Variants in FAM135B observed in about 807,000 individuals in gnomAD.
FAM135B encodes family with sequence similarity 135 member B, also known as protein FAM135B.
A neutral mutation model predicts 127.7 loss-of-function variants in FAM135B; 43 were observed. The observed-to-expected ratio is 0.34, with a 90% CI of 0.26 to 0.43. FAM135B has a LOEUF of 0.43. Among genes scored for constraint, FAM135B ranks in the 20% least tolerant of loss-of-function variants. FAM135B has a pLI of 1.00. For missense variants in FAM135B, 1,558 were observed against 1,725.6 expected (o/e 0.90, Z 1.72); for synonymous variants, 670 against 665.1 (o/e 1.01, Z -0.11).
intron 2 of FAM135B, 133 bp from the exon 3 acceptor site, chr8:138,311,053 A>G: frequency 3.1e-6 from 2 of 648,312 alleles, no homozygotes; most frequent in Non-Finnish European, 5.3e-6. Flanking sequence ...ATCATCTGGC[A>G]TCAATGAGAA....
chr8:138,366,971 C>T (rs1298330501), intron 2 of FAM135B, among the ~76,000 whole-genome samples: 1 of 152,150 alleles, frequency 6.6e-6, no homozygotes, highest in African/African-American at 2.4e-5. Flanking sequence ...AGAACCACAA[C>T]AGCCCAGCTG....
At chr8:138,197,705 T>C (rs969949161) in intron 7 of FAM135B, 36 bp from the exon 8 acceptor site, 3 of 1,604,918 alleles carry the variant, frequency 1.9e-6, no homozygotes, top group South Asian at 1.1e-5. Flanking sequence ...CTGAGGAATA[T>C]TGCACCTGGC....
At chr8:138,144,278 G>C (rs1817467709) in intron 15 of FAM135B, 1 of 152,122 alleles carries the variant, frequency 6.6e-6, no homozygotes, top group Non-Finnish European at 1.5e-5. Flanking sequence ...AAATTAGCCG[G>C]GCGTGATGGC....
chr8:138,366,903 T>C (rs1830776362), intron 2 of FAM135B, among the ~76,000 whole-genome samples: 1 of 152,122 alleles, frequency 6.6e-6, no homozygotes, highest in Non-Finnish European at 1.5e-5. Flanking sequence ...CAACAGGAGA[T>C]TTTGTGTATT....
At chr8:138,170,217 C>CTTTT (rs141401317) in intron 11 of FAM135B, among the ~76,000 whole-genome samples, 15 of 112,026 alleles carry the variant, frequency 1.3e-4, no homozygotes, top group African/African-American at 2.1e-4. Flanking sequence ...CTGTTACTAT[C>CTTTT]TTTTTTTTTT....
At chr8:138,462,704 C>G (rs372670309) in intron 1 of FAM135B, among the ~76,000 whole-genome samples, 1 of 152,248 alleles carries the variant, frequency 6.6e-6, no homozygotes, top group Middle Eastern at 3.4e-3. Context: ...GGAGTTGGTG[C>G]CTTTTAATAT....
intron 1 of FAM135B, among the ~76,000 whole-genome samples, chr8:138,407,357 C>T (rs141093849): frequency 0.11 from 16,626 of 152,074 alleles, 1,248 homozygotes; most frequent in African/African-American, 0.22. Context: ...GGTTCAATGC[C>T]ATCCCCATCA....
intron 1 of FAM135B, among the ~76,000 whole-genome samples, chr8:138,469,474 G>T (rs781566816): frequency 2.8e-4 from 42 of 151,968 alleles, no homozygotes; most frequent in Non-Finnish European, 5.9e-4. Context: ...AAAGGAGCAG[G>T]GTGTGTGTGT....
At chr8:138,296,978 A>G (rs189910823) in intron 3 of FAM135B, among the ~76,000 whole-genome samples, 1 of 152,254 alleles carries the variant, frequency 6.6e-6, no homozygotes, top group East Asian at 1.9e-4. Flanking sequence ...ACATAGCCCA[A>G]TTTGTCATGA....
rs541239238 is a variant in FAM135B, at chr8:138,404,515, T to C, written c.-19-36513A>G. 2.0e-5 allele frequency among the ~76,000 whole-genome samples: 3 copies of C among 152,332 alleles called. No homozygotes were observed. In the South Asian group the frequency reaches 6.2e-4, roughly 32 times the overall value. On this transcript the variant is annotated intron_variant, in intron 1 of 19. Coordinates refer to ENST00000395297, the MANE Select transcript of FAM135B (RefSeq NM_015912.4). Reference sequence around the variant, plus strand: ...CTTCCTTTCATGAAAGATCTCTCTGTAGCATGTGATAGCATGCTTGCTAAC... The same window carrying C: ...CTTCCTTTCATGAAAGATCTCTCTGCAGCATGTGATAGCATGCTTGCTAAC...
chr8:138,456,486 A>G (rs1167593180), intron 1 of FAM135B, among the ~76,000 whole-genome samples: 1 of 152,142 alleles, frequency 6.6e-6, no homozygotes, highest in East Asian at 1.9e-4. Flanking sequence ...TGCTCCTTCA[A>G]TATAATCCAT....
intron 3 of FAM135B, among the ~76,000 whole-genome samples, chr8:138,307,774 A>T (rs1231271753): frequency 2.0e-5 from 3 of 151,030 alleles, no homozygotes; most frequent in Non-Finnish European, 4.4e-5. Context: ...GGAACAAAAC[A>T]GCCAAATGAA....
rs1316568864 is a variant in FAM135B at position 138,250,847 on chromosome 8, A to G, written c.536T>C (p.Leu179Ser). Residue 179 changes from leucine (L) to serine (S), a missense_variant, in exon 6 of 20, where the codon TTG becomes TCG. Physicochemically the swap from Leu to Ser is moderately radical, Grantham distance 145. Transcript: ENST00000395297. ...HAALVALQQP[L>S]ISFTRPGRGS... ...CTGCCTCTGAACTTCATACCTGATC[A>G]ATGGCTGCTGCAGAGCCACCAGGGC... 1.2e-6 allele frequency: 2 copies of G among 1,613,664 alleles called. No individual in the cohort carries two copies. Among genetic ancestry groups the G allele is most frequent in the Non-Finnish European group, 1.7e-6 (2 of 1,179,992 alleles).
rs143938837 is a variant in FAM135B, at chr8:138,286,769, G to A, written c.158-20927C>T. On this transcript the variant is annotated intron_variant, in intron 3 of 19. Coordinates refer to ENST00000395297, the MANE Select transcript of FAM135B (RefSeq NM_015912.4). ...GTCCAATTACAAAATGGACATCCAA[G>A]GCACACTCAGTCAGCAGGGAGCCTC... Among the ~76,000 whole-genome samples, 25 of 152,260 alleles carry A rather than the reference G, an allele frequency of 1.6e-4. No homozygotes were observed. The East Asian group carries it at 4.8e-3, about 29-fold the overall frequency.
chr8:138,292,095 A>C (rs1321112432), intron 3 of FAM135B, among the ~76,000 whole-genome samples: 1 of 152,240 alleles, frequency 6.6e-6, no homozygotes, highest in South Asian at 2.1e-4. Context: ...AATCAACATT[A>C]AAAAATCAGT....
At chr8:138,488,198 A>C (rs2131692485) in intron 1 of FAM135B, among the ~76,000 whole-genome samples, 1 of 152,280 alleles carries the variant, frequency 6.6e-6, no homozygotes, top group African/African-American at 2.4e-5. Flanking sequence ...TAAACGTAAA[A>C]GTATTATTTT....
At chr8:138,366,671 G>C (rs942814564) in intron 2 of FAM135B, among the ~76,000 whole-genome samples, 1 of 152,122 alleles carries the variant, frequency 6.6e-6, no homozygotes, top group Admixed American at 6.5e-5. Context: ...AGTAAGTAGG[G>C]GCCATAGCAC....
At chr8:138,312,999 C>T (rs1826811727) in intron 2 of FAM135B, among the ~76,000 whole-genome samples, 2 of 152,230 alleles carry the variant, frequency 1.3e-5, no homozygotes, top group African/African-American at 2.4e-5. Flanking sequence ...GACAAAATAA[C>T]AGCCACTACC....
In FAM135B at chr8:138,304,164, T is replaced by C. The variant is rs899080800; in HGVS notation, c.157+6677A>G. Among the ~76,000 whole-genome samples the C allele has an allele frequency of 5.3e-5, 8 of 152,166 alleles. No individual in the cohort carries two copies. The East Asian group carries it at 1.5e-3, about 29-fold the overall frequency. On this transcript the variant is annotated intron_variant, in intron 3 of 19. Transcript: ENST00000395297. ...AGGGCACTTCAGCCCATCAGGCAAC[T>C]TGGGAGTGAGCCTTACCTCCCATCC...
Sources: allele counts gnomAD v4.1 joint callset (sites outside exome capture counted in the v4.1 genomes callset), GRCh38; gene constraint gnomAD v4.1.1; transcripts MANE v1.5; gene names NCBI Gene and HGNC (gene_info 2026-07-23, HGNC 2026-07-21).